SCML4: variants seen among roughly 807,000 people sequenced by gnomAD.
SCML4 encodes the protein sex comb on midleg-like protein 4.
In SCML4, 34 loss-of-function variants were observed where a neutral mutation model predicts 41.1. That is an observed-to-expected ratio of 0.83 (90% CI 0.63 to 1.10). SCML4 has a LOEUF of 1.10. Among genes scored for constraint, SCML4 ranks in the 50% least tolerant of loss-of-function variants. The pLI, the probability that SCML4 is intolerant of heterozygous loss-of-function variation, is 0.00. For missense variants in SCML4, 522 were observed against 534.1 expected (o/e 0.98, Z 0.22); for synonymous variants, 214 against 220.9 (o/e 0.97, Z 0.28).
intron 3 of SCML4, among the ~76,000 whole-genome samples, chr6:107,747,731 A>G (rs185628442): frequency 3.9e-5 from 6 of 152,268 alleles, no homozygotes; most frequent in African/African-American, 1.4e-4. Flanking sequence ...ATTAAAGAGA[A>G]AAAGAAATAT....
chr6:107,808,271 C>T (rs1583644557), intron 1 of SCML4, among the ~76,000 whole-genome samples: 1 of 152,160 alleles, frequency 6.6e-6, no homozygotes, highest in Non-Finnish European at 1.5e-5. Context: ...CAAAACCTTC[C>T]GTCTTCCTCC....
intron 1 of SCML4, among the ~76,000 whole-genome samples, chr6:107,817,176 A>G (rs1242652529): frequency 6.6e-6 from 1 of 152,218 alleles, no homozygotes. Context: ...ACCCAGAAAT[A>G]TGATTTCTAA....
At position 107,753,140 on chromosome 6, in the gene SCML4, A is replaced by G. The variant is rs144325805; in HGVS notation, c.157-3327T>C. Among the ~76,000 whole-genome samples the G allele has an allele frequency of 8.5e-5, 13 of 152,352 alleles. No individual in the cohort carries two copies. The East Asian group carries it at 2.3e-3, about 27-fold the overall frequency. On this transcript the variant is annotated intron_variant, in intron 2 of 7. Coordinates refer to ENST00000369020, the MANE Select transcript of SCML4 (RefSeq NM_198081.5). The stretch of plus-strand genomic sequence containing the variant: ...TAAGATAGATACTATTAAAAAATAC[A>G]AAACAAAAAATAACAAAATGAAAAC...
intron 1 of SCML4, among the ~76,000 whole-genome samples, chr6:107,788,923 T>C (rs1782111872): frequency 6.6e-6 from 1 of 152,074 alleles, no homozygotes; most frequent in Non-Finnish European, 1.5e-5. Context: ...TCTCCCCCAG[T>C]GTGTGTTTCC....
At chr6:107,740,139 A>G (rs2114478889) in intron 5 of SCML4, 1 of 471,072 alleles carries the variant, frequency 2.1e-6, no homozygotes, top group South Asian at 1.5e-5. Flanking sequence ...GCTTTTAGGA[A>G]GGAAGGCTGT....
chr6:107,792,986 A>G lies in SCML4; in HGVS notation c.-59-20600T>C, dbSNP rs181347960. On this transcript the variant is annotated intron_variant, in intron 1 of 7. Transcript: ENST00000369020. ...TGCTTCTGGGGGTAAGAACTAAGAC[A>G]AATATTGAATCCAAAAGGAGGAAGG... Among the ~76,000 whole-genome samples, 58 of 152,324 alleles carry G rather than the reference A, an allele frequency of 3.8e-4. No individual in the cohort carries two copies. In the East Asian group the frequency reaches 0.01, roughly 27 times the overall value.
chr6:107,747,682 G>T (rs772344603), intron 3 of SCML4, among the ~76,000 whole-genome samples: 13 of 151,580 alleles, frequency 8.6e-5, no homozygotes, highest in Non-Finnish European at 1.9e-4. Context: ...ATATATGATA[G>T]ATTTCAGTAA....
Position 107,720,841 on chromosome 6 carries a change from G to T in SCML4, c.835C>A (p.Leu279Ile). Residue 279 changes from leucine to isoleucine, a missense_variant, in exon 6 of 8, where the codon CTT (leucine) becomes ATT (isoleucine). Coordinates refer to ENST00000369020, the MANE Select transcript of SCML4 (RefSeq NM_198081.5). Reference protein sequence around the residue: ...CKRQNSGDSHLGGGPAATAGG... With the variant: ...CKRQNSGDSHIGGGPAATAGG... Reference sequence around the variant, plus strand: ...GCGGTGGCAGCAGGACCACCCCCAAGGTGGCTGTCTCCAGAGTTCTGCCTC... The same window carrying T: ...GCGGTGGCAGCAGGACCACCCCCAATGTGGCTGTCTCCAGAGTTCTGCCTC... 1 of 1,614,116 alleles carries T rather than the reference G, an allele frequency of 6.2e-7. No individual in the cohort carries two copies. Among genetic ancestry groups the T allele is most frequent in the Non-Finnish European group, 8.5e-7 (1 of 1,179,970 alleles).
intron 5 of SCML4, among the ~76,000 whole-genome samples, chr6:107,741,953 C>T (rs1431051546): frequency 2.0e-5 from 3 of 152,142 alleles, no homozygotes; most frequent in African/African-American, 7.2e-5. Flanking sequence ...CAGAAACCGA[C>T]CCTAATAAGA....
In SCML4 at chr6:107,707,952, C is replaced by T. The variant is rs575790237; in HGVS notation, c.1033G>A (p.Ala345Thr). 127 of 1,551,618 alleles carry T rather than the reference C, an allele frequency of 8.2e-5. No homozygotes were observed. Among genetic ancestry groups the T allele is most frequent in the Middle Eastern group, 6.7e-4 (4 of 5,992 alleles). ...ARRPRSRNPS[A>T]WTVEDVVWFV... ...CACACCACGTCCTCCACAGTCCAGG[C>T]GGAGGGGTTCCTGCTCCGTGGCCGC... Residue 345 changes from alanine to threonine, a missense_variant, in exon 7 of 8, where the codon GCC becomes ACC. Transcript: ENST00000369020.
rs368228251 is a variant in SCML4, at chr6:107,821,958, T to C, written c.-60+2168A>G. Among the ~76,000 whole-genome samples, 18 of 152,322 alleles carry C rather than the reference T, an allele frequency of 1.2e-4. 1 individual carries two copies. In the East Asian group the frequency reaches 3.3e-3, roughly 28 times the overall value. ...AACAGACCTACGAAGCACTCTAACA[T>C]TTAAGCCCCCAGACTCCCAGAAAGG... is the stretch of plus-strand genomic sequence containing the variant. On this transcript the variant is annotated intron_variant, in intron 1 of 7. Transcript: ENST00000369020.
chr6:107,817,624 AAAAAAAAAAAAG>A (rs1279372170), intron 1 of SCML4, among the ~76,000 whole-genome samples: 3 of 113,104 alleles, frequency 2.7e-5, no homozygotes, highest in East Asian at 4.2e-4. Flanking sequence ...TCATCTCAAA[AAAAAAAAAAAAG>A]AAAAAAAAAA....
chr6:107,843,785 G>A, the SCML4 span, among the ~76,000 whole-genome samples: 1 of 152,192 alleles, frequency 6.6e-6, no homozygotes, highest in African/African-American at 2.4e-5. Context: ...CAGTTAGAGG[G>A]TGTAGGCAGG....
chr6:107,796,137 A>G (rs1782692817), intron 1 of SCML4, among the ~76,000 whole-genome samples: 1 of 152,042 alleles, frequency 6.6e-6, no homozygotes, highest in African/African-American at 2.4e-5. Context: ...TGCCAGAAAC[A>G]TTTCTCTACA....
chr6:107,785,892 G>A (rs1047977772), intron 1 of SCML4, among the ~76,000 whole-genome samples: 1 of 152,144 alleles, frequency 6.6e-6, no homozygotes, highest in African/African-American at 2.4e-5. Flanking sequence ...GCAGAGCCTG[G>A]CGCATACCCT....
chr6:107,806,024 C>T (rs1258883876), intron 1 of SCML4, among the ~76,000 whole-genome samples: 1 of 152,188 alleles, frequency 6.6e-6, no homozygotes. Flanking sequence ...CACTTCTCTT[C>T]CCTTGTTTCC....
chr6:107,726,450 G>A (rs1030184106), intron 5 of SCML4, among the ~76,000 whole-genome samples: 2 of 149,196 alleles, frequency 1.3e-5, no homozygotes, highest in African/African-American at 2.5e-5. Context: ...GGAGAATGGC[G>A]TGAACCCGGG....
intron 1 of SCML4, among the ~76,000 whole-genome samples, chr6:107,796,335 A>G (rs1402043719): frequency 6.6e-6 from 1 of 152,230 alleles, no homozygotes; most frequent in Admixed American, 6.5e-5. Flanking sequence ...TGGAGCTGTC[A>G]GTCTTTCATT....
chr6:107,831,169 G>T, the SCML4 span, among the ~76,000 whole-genome samples: 2 of 152,034 alleles, frequency 1.3e-5, no homozygotes, highest in Non-Finnish European at 2.9e-5. Flanking sequence ...AGGGGAGGGG[G>T]ACACAGAGGC....
Sources: allele counts gnomAD v4.1 joint callset (sites outside exome capture counted in the v4.1 genomes callset), GRCh38; gene constraint gnomAD v4.1.1; transcripts MANE v1.5; gene names NCBI Gene and HGNC (gene_info 2026-07-23, HGNC 2026-07-21).